SH3PXD2A: variants seen among roughly 807,000 people sequenced by gnomAD.
The protein encoded by SH3PXD2A is SH3 and PX domain-containing protein 2A.
A neutral mutation model predicts 115.2 loss-of-function variants in SH3PXD2A; 32 were observed. That is an observed-to-expected ratio of 0.28 (90% CI 0.21 to 0.37). SH3PXD2A has a LOEUF of 0.37. SH3PXD2A is among the 10% of genes least tolerant of loss of function. The probability of loss-of-function intolerance (pLI) is 1.00; values close to 1 mark genes in which losing one functional copy is unlikely to be tolerated. For missense variants in SH3PXD2A, 1,328 were observed against 1,498.7 expected (o/e 0.89, Z 1.88); for synonymous variants, 610 against 629.1 (o/e 0.97, Z 0.45).
At position 103,603,090 on chromosome 10, in the gene SH3PXD2A, A is replaced by G. The variant is rs780122955; in HGVS notation, c.2128T>C (p.Ser710Pro). Residue 710 changes from serine to proline, a missense_variant, in exon 15 of 15, where the codon TCC (serine) becomes CCC (proline). Physicochemically the swap from Ser to Pro is moderately conservative, Grantham distance 74 (BLOSUM62 -1). This residue lies in a region of SH3PXD2A where 574 missense variants were observed against 565.7 expected (regional missense o/e 1.01). Transcript: ENST00000369774. ...AGGTCGCCACTGGTTTTGGACAAGG[A>G]AGAGGAGGAGGAGGAAGAGGAGGAG... ...CCSSSSSSSSSLSKTSGDLKP... is the reference protein window; with the variant it reads ...CCSSSSSSSSPLSKTSGDLKP... 4 of 1,613,162 alleles carry G rather than the reference A, an allele frequency of 2.5e-6. No homozygotes were observed.
At chr10:103,615,483 G>GGTGTGTGTGT (rs57711259) in intron 11 of SH3PXD2A, among the ~76,000 whole-genome samples, 6,055 of 128,194 alleles carry the variant, frequency 0.047, 322 homozygotes, top group Middle Eastern at 0.056. Flanking sequence ...AGAGTGCGAG[G>GGTGTGTGTGT]GTGTGTGTGT....
intron 2 of SH3PXD2A, among the ~76,000 whole-genome samples, chr10:103,788,736 A>G (rs1020563282): frequency 6.6e-6 from 1 of 152,070 alleles, no homozygotes; most frequent in Non-Finnish European, 1.5e-5. Flanking sequence ...GCATGGTGGC[A>G]GGCACCTGTA....
chr10:103,784,633 G>A lies in SH3PXD2A; in HGVS notation c.153+16649C>T. ...GCTGCAGCACAGAGAAGCACTGGCAGCGGCTGGCTGGAGGGCAGGACAGTC... is the reference window on the plus strand; with the variant it reads ...GCTGCAGCACAGAGAAGCACTGGCAACGGCTGGCTGGAGGGCAGGACAGTC... On this transcript the variant is annotated intron_variant, in intron 2 of 14. Transcript: ENST00000369774. The surrounding 1 kb of genome is among the most constrained non-coding windows in gnomAD (Gnocchi z 4.4). 6.6e-6 allele frequency among the ~76,000 whole-genome samples: 1 copy of A among 152,192 alleles called. No individual in the cohort carries two copies. Among genetic ancestry groups the A allele is most frequent in the East Asian group, 1.9e-4 (1 of 5,196 alleles).
chr10:103,767,826 T>TTTTTTTTTTTTTG, intron 2 of SH3PXD2A, among the ~76,000 whole-genome samples: 1 of 149,604 alleles, frequency 6.7e-6, no homozygotes, highest in African/African-American at 2.5e-5. Flanking sequence ...TTTTTTTTTT[T>TTTTTTTTTTTTTG]TTTTTTTTGC....
At chr10:103,712,497 C>G (rs2038058184) in intron 5 of SH3PXD2A, among the ~76,000 whole-genome samples, 1 of 152,242 alleles carries the variant, frequency 6.6e-6, no homozygotes, top group Non-Finnish European at 1.5e-5. Context: ...GGCAGCACCC[C>G]TCCTCAGAGG....
Position 103,602,443 on chromosome 10 carries a change from GCTGT to G in SH3PXD2A, c.2771_2774del (p.Asp924AlafsTer12). On this transcript the variant is annotated frameshift_variant, in exon 15 of 15. Transcript: ENST00000369774. LOFTEE classifies it high-confidence loss of function. Reference sequence around the variant, plus strand: ...GGACGCGCCTCTCGATCTTCTCCAGGCTGTCTGATTTGCCTTCGTTCTGCCTGCC... The same window carrying G: ...GGACGCGCCTCTCGATCTTCTCCAGGCTGATTTGCCTTCGTTCTGCCTGCC... 6.2e-7 allele frequency: 1 copy of G among 1,614,134 alleles called. No homozygotes were observed.
chr10:103,660,594 G>A (rs1255335176), intron 8 of SH3PXD2A, among the ~76,000 whole-genome samples: 3 of 152,154 alleles, frequency 2.0e-5, no homozygotes, highest in Non-Finnish European at 4.4e-5. Flanking sequence ...CCACCAGCTG[G>A]CTGGGCTGTC....
At chr10:103,718,902 G>A (rs1184959957) in intron 5 of SH3PXD2A, among the ~76,000 whole-genome samples, 21 of 152,072 alleles carry the variant, frequency 1.4e-4, no homozygotes, top group Non-Finnish European at 2.2e-4. Context: ...AACGCCCAAG[G>A]TGATATAGTA....
Position 103,603,002 on chromosome 10 carries a change from T to G in SH3PXD2A, c.2216A>C (p.Asp739Ala), listed in dbSNP as rs759030837. The change falls in exon 15 of 15, where the codon GAT becomes GCT. Residue 739 changes from aspartate (D) to alanine (A), a missense_variant. By Grantham distance (126) the Asp-to-Ala change is moderately radical. Coordinates refer to ENST00000369774, the MANE Select transcript of SH3PXD2A (RefSeq NM_001394015.1). ...GGTCAGCCCAGCGTTCGCATCAGCA[T>G]CCTTCTTTGCCCTGACCTTGGGAGT... Reference protein sequence around the residue: ...RGTPKVRAKKDADANAGLTSC... With the variant: ...RGTPKVRAKKAADANAGLTSC... 4 of 1,614,198 alleles carry G rather than the reference T, an allele frequency of 2.5e-6. No individual in the cohort carries two copies. The highest frequency in any genetic ancestry group is 3.4e-6 in the Non-Finnish European group (4 of 1,180,036).
intron 3 of SH3PXD2A, chr10:103,736,653 T>A: frequency 1.4e-6 from 1 of 702,684 alleles, no homozygotes; most frequent in Admixed American, 2.4e-5. Context: ...CTGGGAGTAA[T>A]GTCCCTCTTT....
intron 3 of SH3PXD2A, among the ~76,000 whole-genome samples, chr10:103,761,733 C>A (rs116371024): frequency 1.3e-5 from 2 of 152,146 alleles, no homozygotes; most frequent in Admixed American, 1.3e-4. Context: ...CTGTCTCAGG[C>A]AGAACTTCTC....
chr10:103,686,745 A>ATTTT lies in SH3PXD2A; in HGVS notation c.427+6279_427+6282dup, dbSNP rs760028346. On this transcript the variant is annotated intron_variant, in intron 6 of 14. Transcript: ENST00000369774. ...ACACTAATTTAGGTGTTGCTGGGGA[A>ATTTT]TTTTTTTTTTTTTTTTTTTTGAGAC... 2.8e-3 allele frequency among the ~76,000 whole-genome samples: 362 copies of ATTTT among 128,552 alleles called. 3 individuals are homozygous for ATTTT. Among genetic ancestry groups the ATTTT allele is most frequent in the Non-Finnish European group, 4.4e-3 (277 of 62,316 alleles). The allele number at this position is 128,552 out of a possible 152,430, so 84.3% of individuals were successfully genotyped here. A position where few individuals can be genotyped will look rare whatever the true frequency, so the allele number is the denominator to read the frequency against.
Position 103,599,233 on chromosome 10 carries a change from T to C in SH3PXD2A, c.*2583A>G, listed in dbSNP as rs1374556435. 7.8e-6 allele frequency: 1 copy of C among 127,802 alleles called. No individual in the cohort carries two copies. Among genetic ancestry groups the C allele is most frequent in the Non-Finnish European group, 1.6e-5 (1 of 62,490 alleles). 7.9% of individuals were successfully genotyped at this position (127,802 alleles called of 1,614,324 possible). Reference sequence around the variant, plus strand: ...CAGTCCTGCATTTTAATGACTCTATTACTTACAGCACTGGGGGTCAAGGAG... The same window carrying C: ...CAGTCCTGCATTTTAATGACTCTATCACTTACAGCACTGGGGGTCAAGGAG... On this transcript the variant is annotated 3_prime_UTR_variant, in exon 15 of 15. Coordinates refer to ENST00000369774, the MANE Select transcript of SH3PXD2A (RefSeq NM_001394015.1).
chr10:103,795,932 C>CAGGA (rs938972216), intron 2 of SH3PXD2A, among the ~76,000 whole-genome samples: 41 of 98,364 alleles, frequency 4.2e-4, no homozygotes, highest in African/African-American at 1.0e-3. Flanking sequence ...GGAAGGAAGG[C>CAGGA]AGGAAGGAAG....
intron 6 of SH3PXD2A, chr10:103,673,506 G>A (rs905027653): frequency 5.3e-5 from 8 of 152,210 alleles, no homozygotes; most frequent in African/African-American, 1.9e-4. Flanking sequence ...CGAGGCTGCA[G>A]TGAGGCATGA....
At chr10:103,724,688 C>T (rs554074818) in intron 4 of SH3PXD2A, among the ~76,000 whole-genome samples, 1 of 152,178 alleles carries the variant, frequency 6.6e-6, no homozygotes, top group South Asian at 2.1e-4. Context: ...AAACCCCTAA[C>T]CAGTTATCCA....
chr10:103,843,705 C>G (rs1057091995), intron 1 of SH3PXD2A, among the ~76,000 whole-genome samples: 1 of 152,122 alleles, frequency 6.6e-6, no homozygotes, highest in African/African-American at 2.4e-5. Flanking sequence ...GGGTTTTATC[C>G]AGGACCTATG....
rs1308467644 is a variant in SH3PXD2A at position 103,594,834 on chromosome 10, G to A, written c.*6982C>T. 2.6e-5 allele frequency: 4 copies of A among 152,216 alleles called. No individual in the cohort carries two copies. The highest frequency in any genetic ancestry group is 4.4e-5 in the Non-Finnish European group (3 of 68,046). 9.4% of individuals were successfully genotyped at this position (152,216 alleles called of 1,614,324 possible). On this transcript the variant is annotated 3_prime_UTR_variant, in exon 15 of 15. Transcript: ENST00000369774. ...TACCAGGTGGCAGGCTCAGCAAACT[G>A]AACCACCACAGGTGTCAGAGATACT...
chr10:103,604,202 T>C (rs2036266120), intron 14 of SH3PXD2A, among the ~76,000 whole-genome samples: 1 of 152,208 alleles, frequency 6.6e-6, no homozygotes, highest in Non-Finnish European at 1.5e-5. Flanking sequence ...GGTCCTCCCT[T>C]TGAGTTCCTT....
Sources: gnomAD v4.1 joint callset for allele counts (sites outside exome capture counted in the v4.1 genomes callset) on GRCh38, gnomAD v4.1.1 for gene constraint, gnomAD v4.1.1 regional missense constraint, Gnocchi (gnomAD v3.1) non-coding constraint, MANE v1.5 for transcripts, NCBI Gene and HGNC (gene_info 2026-07-23, HGNC 2026-07-21) for gene names.